Variants in ZBTB20 observed in about 807,000 individuals in gnomAD.
The protein encoded by ZBTB20 is zinc finger and BTB domain containing 20.
A neutral mutation model predicts 56.9 loss-of-function variants in ZBTB20; 9 were observed. That is an observed-to-expected ratio of 0.16 (90% confidence interval 0.10 to 0.28). The LOEUF (loss-of-function observed/expected upper bound fraction) is 0.28, where lower values mean the gene tolerates loss of function less well. Ranked by LOEUF, ZBTB20 falls within the 10% of genes least tolerant of loss-of-function variation. The pLI, the probability that ZBTB20 is intolerant of heterozygous loss-of-function variation, is 1.00. For missense variants in ZBTB20, 655 were observed against 1,003.0 expected (o/e 0.65, Z 4.69); for synonymous variants, 417 against 420.7 (o/e 0.99, Z 0.11).
chr3:114,920,880 T>C (rs2075931261), intron 3 of ZBTB20, among the ~76,000 whole-genome samples: 1 of 152,086 alleles, frequency 6.6e-6, no homozygotes, highest in African/African-American at 2.4e-5. Context: ...GACTCGAATT[T>C]AAAATTTTGT....
At chr3:114,349,774 A>C (rs1000641755) in intron 11 of ZBTB20, among the ~76,000 whole-genome samples, 1 of 152,188 alleles carries the variant, frequency 6.6e-6, no homozygotes. Flanking sequence ...CACATGTATT[A>C]ATTTATTCTC....
At chr3:114,478,948 A>G (rs1159624451) in intron 7 of ZBTB20, among the ~76,000 whole-genome samples, 1 of 152,148 alleles carries the variant, frequency 6.6e-6, no homozygotes, top group Admixed American at 6.5e-5. Context: ...CAGACAGTAC[A>G]TTTATGCATC....
chr3:114,395,078 A>G lies in ZBTB20; in HGVS notation c.-254-5973T>C, dbSNP rs192847296. Among the ~76,000 whole-genome samples the G allele has an allele frequency of 7.9e-4, 121 of 152,280 alleles. 1 individual carries two copies. Among genetic ancestry groups the G allele is most frequent in the East Asian group, 1.2e-3 (6 of 5,184 alleles). On this transcript the variant is annotated intron_variant, in intron 7 of 11. Coordinates refer to ENST00000675478, the MANE Select transcript of ZBTB20 (RefSeq NM_001348800.3). Reference sequence around the variant, plus strand: ...TTGTCTAACAGCAATTCCCAGGTGAAGATAAAGCTGTCTCAAAGATCATAG... The same window carrying G: ...TTGTCTAACAGCAATTCCCAGGTGAGGATAAAGCTGTCTCAAAGATCATAG...
chr3:114,929,129 TCCTGTGCCTCAGG>T (rs1328069611), intron 3 of ZBTB20, among the ~76,000 whole-genome samples: 1 of 152,220 alleles, frequency 6.6e-6, no homozygotes, highest in East Asian at 1.9e-4. Context: ...ACACAGAAAG[TCCTGTGCCTCAGG>T]CCTTGCTCCC....
At chr3:114,672,792 C>T (rs1014202903) in intron 6 of ZBTB20, among the ~76,000 whole-genome samples, 1 of 152,134 alleles carries the variant, frequency 6.6e-6, no homozygotes, top group Non-Finnish European at 1.5e-5. Flanking sequence ...ATGTTACCTG[C>T]TTGAGCCATC....
intron 7 of ZBTB20, among the ~76,000 whole-genome samples, chr3:114,438,285 A>G (rs2090658786): frequency 6.6e-6 from 1 of 152,060 alleles, no homozygotes; most frequent in Admixed American, 6.6e-5. Flanking sequence ...ACCTAGGCTA[A>G]GATAATCTTA....
chr3:114,791,795 C>T (rs1706053805), intron 5 of ZBTB20: 1 of 150,016 alleles, frequency 6.7e-6, no homozygotes, highest in African/African-American at 2.4e-5. Context: ...TTGTCTGAGC[C>T]AATTTATTTT....
rs1206336827 is a variant in ZBTB20 at position 114,441,899 on chromosome 3, C to CA, written c.-254-52795dup. ...CAAAAAATCCAAACCAAAACCAAAA[C>CA]AAAAAAAACCACCAACAAAACAAAA... On this transcript the variant is annotated intron_variant, in intron 7 of 11. Transcript: ENST00000675478. Among the ~76,000 whole-genome samples, 5 of 151,324 alleles carry CA rather than the reference C, an allele frequency of 3.3e-5. No individual in the cohort carries two copies. The East Asian group carries it at 7.7e-4, about 23-fold the overall frequency.
intron 3 of ZBTB20, among the ~76,000 whole-genome samples, chr3:114,967,280 T>C (rs1296981772): frequency 6.6e-6 from 1 of 152,214 alleles, no homozygotes; most frequent in African/African-American, 2.4e-5. Flanking sequence ...AACGTTATAC[T>C]TGGTGTTATT....
chr3:115,087,150 TA>T (rs1460415164), intron 1 of ZBTB20, among the ~76,000 whole-genome samples: 1 of 151,798 alleles, frequency 6.6e-6, no homozygotes, highest in Non-Finnish European at 1.5e-5. Flanking sequence ...TAAATCCATC[TA>T]ATGATATCAA....
chr3:114,460,301 A>C (rs558020132), intron 7 of ZBTB20, among the ~76,000 whole-genome samples: 1 of 152,212 alleles, frequency 6.6e-6, no homozygotes, highest in Admixed American at 6.5e-5. Flanking sequence ...GGCCCCCCCC[A>C]AAAGATATCC....
At chr3:114,894,882 CT>C (rs1333368567) in intron 4 of ZBTB20, among the ~76,000 whole-genome samples, 1 of 152,092 alleles carries the variant, frequency 6.6e-6, no homozygotes, top group Non-Finnish European at 1.5e-5. Flanking sequence ...CAATATTTAC[CT>C]TGATTCATCA....
At chr3:114,526,239 T>C (rs977048791) in intron 6 of ZBTB20, among the ~76,000 whole-genome samples, 8 of 152,144 alleles carry the variant, frequency 5.3e-5, no homozygotes, top group Admixed American at 2.0e-4. Flanking sequence ...ATTTAGAATA[T>C]TTTCTCAAAT....
At chr3:114,631,023 A>C (rs2058907696) in intron 6 of ZBTB20, among the ~76,000 whole-genome samples, 1 of 152,224 alleles carries the variant, frequency 6.6e-6, no homozygotes, top group Non-Finnish European at 1.5e-5. Flanking sequence ...CAGTAGATAA[A>C]TACCTATAAT....
chr3:114,369,173 T>C (rs1334516269), intron 10 of ZBTB20, among the ~76,000 whole-genome samples: 1 of 152,142 alleles, frequency 6.6e-6, no homozygotes. Context: ...CAGTAAAAAA[T>C]TGAAGGACAA....
intron 6 of ZBTB20, among the ~76,000 whole-genome samples, chr3:114,663,760 T>G (rs2060887454): frequency 6.6e-6 from 1 of 151,528 alleles, no homozygotes; most frequent in African/African-American, 2.4e-5. Flanking sequence ...TAAAACAGAC[T>G]TTAAACCAAC....
chr3:114,862,859 A>G (rs1463701744), intron 4 of ZBTB20, among the ~76,000 whole-genome samples: 1 of 152,192 alleles, frequency 6.6e-6, no homozygotes, highest in African/African-American at 2.4e-5. Context: ...GACCCAATAT[A>G]TAACCAAATC....
At chr3:114,687,526 T>C (rs1404284518) in intron 6 of ZBTB20, 1 of 149,286 alleles carries the variant, frequency 6.7e-6, no homozygotes, top group East Asian at 2.0e-4. Flanking sequence ...CATGCAAATA[T>C]GCACAGGGCC....
chr3:114,387,660 A>G (rs2085311981), intron 8 of ZBTB20: 1 of 152,218 alleles, frequency 6.6e-6, no homozygotes, highest in Non-Finnish European at 1.5e-5. Context: ...AGGCTGTGTT[A>G]TCTGTATCAG....
Sources: gnomAD v4.1 joint callset for allele counts (sites outside exome capture counted in the v4.1 genomes callset) on GRCh38, gnomAD v4.1.1 for gene constraint, MANE v1.5 for transcripts, NCBI Gene and HGNC (gene_info 2026-07-23, HGNC 2026-07-21) for gene names.